The following AKAP19 variants were observed in gnomAD, a reference collection of about 807,000 sequenced individuals.
The protein encoded by AKAP19 is small A-kinase anchoring protein.
At chr2:190,087,676 T>C in the AKAP19 span, among the ~76,000 whole-genome samples, 1 of 152,196 alleles carries the variant, frequency 6.6e-6, no homozygotes, top group African/African-American at 2.4e-5. Context: ...TCTACTTCTG[T>C]CTGTCTTCCA....
chr2:189,926,539 G>C, the AKAP19 span, among the ~76,000 whole-genome samples: 1 of 149,618 alleles, frequency 6.7e-6, no homozygotes. Context: ...GCCCGCCTCG[G>C]CCTCCCAAAG....
chr2:190,017,460 A>G, the AKAP19 span, among the ~76,000 whole-genome samples: 1 of 152,132 alleles, frequency 6.6e-6, no homozygotes, highest in Middle Eastern at 3.2e-3. Context: ...GGTTATCATG[A>G]GGCTCACATA....
chr2:190,069,173 T>TGAGAGAGAGA, the AKAP19 span, among the ~76,000 whole-genome samples: 34 of 98,922 alleles, frequency 3.4e-4, no homozygotes, highest in African/African-American at 4.4e-4. Flanking sequence ...TGTGTGTGTG[T>TGAGAGAGAGA]GTGAGAGAGA....
the AKAP19 span, among the ~76,000 whole-genome samples, chr2:190,154,714 A>G: frequency 6.6e-6 from 1 of 152,214 alleles, no homozygotes; most frequent in East Asian, 1.9e-4. Context: ...CAAACCCCAA[A>G]ATTCACATCT....
the AKAP19 span, chr2:190,060,240 C>T: frequency 4.3e-6 from 7 of 1,613,034 alleles, no homozygotes; most frequent in Non-Finnish European, 5.1e-6. Context: ...TTTCAGAGAT[C>T]GGATTCCAGT....
chr2:189,913,747 G>A, the AKAP19 span, among the ~76,000 whole-genome samples: 1 of 152,034 alleles, frequency 6.6e-6, no homozygotes, highest in South Asian at 2.1e-4. Flanking sequence ...ATTTGATATA[G>A]AACAGTTGCT....
chr2:190,122,056 T>C, the AKAP19 span, among the ~76,000 whole-genome samples: 1 of 152,224 alleles, frequency 6.6e-6, no homozygotes, highest in Non-Finnish European at 1.5e-5. Flanking sequence ...GTATGGCTTG[T>C]ATCAGCTTTT....
At chr2:189,917,448 T>A in the AKAP19 span, 3 of 735,644 alleles carry the variant, frequency 4.1e-6, no homozygotes, top group African/African-American at 5.4e-5. Flanking sequence ...TCTAGCTCGA[T>A]GTTTTTCAGG....
chr2:189,914,971 T>C, the AKAP19 span, among the ~76,000 whole-genome samples: 1 of 152,262 alleles, frequency 6.6e-6, no homozygotes, highest in Non-Finnish European at 1.5e-5. Context: ...ATCAACATTA[T>C]ACTGAGGGGA....
the AKAP19 span, chr2:190,060,338 C>G: frequency 3.1e-6 from 5 of 1,612,610 alleles, no homozygotes; most frequent in South Asian, 5.5e-5. Context: ...TCAAATATAT[C>G]CATAGTTGGG....
At chr2:189,912,142 G>T in the AKAP19 span, among the ~76,000 whole-genome samples, 5 of 151,670 alleles carry the variant, frequency 3.3e-5, no homozygotes, top group Admixed American at 3.3e-4. Context: ...CTTATTATTT[G>T]TTTTTTTCAG....
the AKAP19 span, among the ~76,000 whole-genome samples, chr2:189,956,951 T>G: frequency 6.6e-6 from 1 of 152,126 alleles, no homozygotes; most frequent in Non-Finnish European, 1.5e-5. Context: ...AGTTATTAAA[T>G]TTAATTCCGA....
the AKAP19 span, among the ~76,000 whole-genome samples, chr2:190,178,310 G>A: frequency 4.6e-5 from 7 of 152,250 alleles, no homozygotes; most frequent in African/African-American, 1.4e-4. This position sits in a 1 kb window ranked among gnomAD's most constrained non-coding sequence, Gnocchi z 6.3. Context: ...CAGAAGCATG[G>A]CCTGCAGTCC....
the AKAP19 span, chr2:190,062,767 T>G: frequency 1.6e-6 from 1 of 609,484 alleles, no homozygotes; most frequent in Non-Finnish European, 2.8e-6. Flanking sequence ...ATATTCCAAC[T>G]TAGATGAGAC....
the AKAP19 span, chr2:190,200,503 T>TAACA: frequency 5.6e-6 from 1 of 177,332 alleles, no homozygotes; most frequent in East Asian, 1.7e-4. Context: ...TCCTTTAAAA[T>TAACA]AACAATTTTT....
the AKAP19 span, among the ~76,000 whole-genome samples, chr2:189,947,777 C>CT: frequency 8.1e-3 from 1,229 of 152,140 alleles, 9 homozygotes; most frequent in Non-Finnish European, 0.012. Context: ...ATTTCTAATT[C>CT]TAACCACTCT....
At chr2:190,152,701 G>A in the AKAP19 span, among the ~76,000 whole-genome samples, 1 of 152,062 alleles carries the variant, frequency 6.6e-6, no homozygotes, top group Non-Finnish European at 1.5e-5. Context: ...TTGTTCCTTA[G>A]TAACTTATCA....
the AKAP19 span, chr2:190,200,163 A>G: frequency 6.2e-7 from 1 of 1,609,236 alleles, no homozygotes. Flanking sequence ...GTAGGATGAC[A>G]ACACTTTGAC....
the AKAP19 span, among the ~76,000 whole-genome samples, chr2:189,890,172 T>C: frequency 2.0e-5 from 3 of 152,182 alleles, no homozygotes; most frequent in African/African-American, 7.2e-5. Context: ...GCCTTAATTT[T>C]GTTATTTACC....
Sources: gnomAD v4.1 joint callset for allele counts (sites outside exome capture counted in the v4.1 genomes callset) on GRCh38, gnomAD v4.1.1 for gene constraint, Gnocchi (gnomAD v3.1) non-coding constraint, MANE v1.5 for transcripts, NCBI Gene and HGNC (gene_info 2026-07-23, HGNC 2026-07-21) for gene names.